The following FMNL1 variants were observed in gnomAD, a reference collection of about 807,000 sequenced individuals.
FMNL1 encodes the protein formin like 1, also known as formin-like protein 1.
Under a neutral mutation model 121.3 loss-of-function variants are expected in FMNL1, and 43 were observed. The observed-to-expected ratio is 0.35, with a 90% CI of 0.28 to 0.46. FMNL1 has a LOEUF of 0.46. FMNL1 is among the 20% of genes least tolerant of loss of function. The pLI, the probability that FMNL1 is intolerant of heterozygous loss-of-function variation, is 1.00. For missense variants in FMNL1, 1,191 were observed against 1,482.4 expected, an observed-to-expected ratio of 0.80 and a Z score of 3.23; for synonymous variants, 613 against 613.5, an observed-to-expected ratio of 1.00 and a Z score of 0.01.
chr17:45,222,511 A>G (rs1233895123), intron 1 of FMNL1, among the ~76,000 whole-genome samples: 1 of 152,066 alleles, frequency 6.6e-6, no homozygotes, highest in Non-Finnish European at 1.5e-5. Flanking sequence ...CTTAAGGTCT[A>G]AACAAGTATG....
At chr17:45,232,252 A>T in intron 2 of FMNL1, 115 bp from the exon 3 acceptor site, 1 of 871,176 alleles carries the variant, frequency 1.1e-6, no homozygotes. Context: ...GAGGCGTCTT[A>T]AGAAAGCCTG....
intron 1 of FMNL1, among the ~76,000 whole-genome samples, chr17:45,227,414 C>T (rs2043351475): frequency 6.6e-6 from 1 of 152,090 alleles, no homozygotes. Flanking sequence ...GGGGTCCCCT[C>T]TCACACTCAG....
chr17:45,232,757 A>T, intron 3 of FMNL1: 1 of 591,058 alleles, frequency 1.7e-6, no homozygotes, highest in Non-Finnish European at 3.1e-6. Context: ...GTCCATACAT[A>T]GGTGTGTGTG....
rs1310714541 is a variant in FMNL1, at chr17:45,222,195, C to T, written c.71C>T (p.Pro24Leu). The T allele has an allele frequency of 2.4e-6, 3 of 1,254,618 alleles. No individual in the cohort carries two copies. The highest frequency in any genetic ancestry group is 2.5e-5 in the South Asian group (1 of 39,240). 77.7% of individuals were successfully genotyped at this position (1,254,618 alleles called of 1,614,324 possible). A position where few individuals can be genotyped will look rare whatever the true frequency, so the allele number is the denominator to read the frequency against. The stretch of plus-strand genomic sequence containing the variant: ...GCGCCGCCCCCCAAGCAGCCCGCGC[C>T]TCCCAAGCAGCCGATGCCCGCGGCC... ...PAAPPPKQPA[P>L]PKQPMPAAGE... The change falls in exon 1 of 27, where the codon CCT (proline) becomes CTT (leucine). Residue 24 changes from proline to leucine, a missense_variant. Pro to Leu is a moderately conservative substitution (Grantham distance 98). Transcript: ENST00000331495.
rs767068415 is a variant in FMNL1 at position 45,233,334 on chromosome 17, G to A, written c.401+37G>A. 1 of 1,543,428 alleles carries A rather than the reference G, an allele frequency of 6.5e-7. No homozygotes were observed. The highest frequency in any genetic ancestry group is 8.8e-7 in the Non-Finnish European group (1 of 1,141,908). ...CTCAGATCTTCCTCTCTGGGCCTAG[G>A]AAGGCTCTGCTTCCAGGCAGCTCCT... On this transcript the variant is annotated intron_variant, in intron 4 of 26. Transcript: ENST00000331495. The surrounding 1 kb of genome is among the most constrained non-coding windows in gnomAD (Gnocchi z 4.1).
At chr17:45,240,326 T>G in intron 11 of FMNL1, 150 bp from the exon 12 acceptor site, 1 of 745,078 alleles carries the variant, frequency 1.3e-6, no homozygotes. Context: ...ATTTTATGAT[T>G]TGTGAATTAT....
At position 45,238,627 on chromosome 17, in the gene FMNL1, A is replaced by G. The variant is rs760030224; in HGVS notation, c.958A>G (p.Ile320Val). 11 of 1,614,184 alleles carry G rather than the reference A, an allele frequency of 6.8e-6. No individual in the cohort carries two copies. Among genetic ancestry groups the G allele is most frequent in the Non-Finnish European group, 9.3e-6 (11 of 1,180,022 alleles). ...ATATTTCCGGAATGAGGACAGCAAC[A>G]TCGACTTCATGGTGAGCTCAGGAGC... ...MEYFRNEDSN[I>V]DFMVACMQFI... The change falls in exon 10 of 27, where the codon ATC (isoleucine) becomes GTC (valine). Residue 320 changes from isoleucine (I) to valine (V), a missense_variant. By Grantham distance (29) the Ile-to-Val change is conservative. This residue lies in a region of FMNL1 where 253 missense variants were observed against 417.5 expected (regional missense o/e 0.61). Coordinates refer to ENST00000331495, the MANE Select transcript of FMNL1 (RefSeq NM_005892.4).
chr17:45,244,161 C>A lies in FMNL1; in HGVS notation c.2449-15C>A. On this transcript the variant is annotated splice_polypyrimidine_tract_variant and intron_variant, in intron 18 of 26. Transcript: ENST00000331495. Reference sequence around the variant, plus strand: ...GAGGCTCCAACTTATCTTACCTCCCCCATCCCACCCCCAGCAACTGAATGC... The same window carrying A: ...GAGGCTCCAACTTATCTTACCTCCCACATCCCACCCCCAGCAACTGAATGC... 1 of 1,612,516 alleles carries A rather than the reference C, an allele frequency of 6.2e-7. No individual in the cohort carries two copies. The highest frequency in any genetic ancestry group is 2.2e-5 in the East Asian group (1 of 44,842).
rs2143529191 is a variant in FMNL1, at chr17:45,240,757, G to A, written c.1230+132G>A. 3.8e-6 allele frequency: 5 copies of A among 1,313,770 alleles called. No individual in the cohort carries two copies. In the East Asian group the frequency reaches 1.0e-4, roughly 27 times the overall value. 81.4% of individuals were successfully genotyped at this position (1,313,770 alleles called of 1,614,324 possible). A position where few individuals can be genotyped will look rare whatever the true frequency, so the allele number is the denominator to read the frequency against. On this transcript the variant is annotated intron_variant, in intron 12 of 26. Transcript: ENST00000331495. ...GTGCATTGGAGGTGCTGCCTGCCTGGCCCCAGAGCCTGGCCTGAATCCAAA... is the reference window on the plus strand; with the variant it reads ...GTGCATTGGAGGTGCTGCCTGCCTGACCCCAGAGCCTGGCCTGAATCCAAA...
At chr17:45,235,844 C>T (rs189208400) in intron 6 of FMNL1, among the ~76,000 whole-genome samples, 12 of 152,300 alleles carry the variant, frequency 7.9e-5, no homozygotes, top group East Asian at 7.7e-4. Context: ...TGGCCATGAG[C>T]GCCACCTTGT....
rs1309146420 is a variant in FMNL1 at position 45,237,677 on chromosome 17, A to G, written c.894+38A>G. 1.8e-5 allele frequency: 28 copies of G among 1,597,584 alleles called. No homozygotes were observed. Among genetic ancestry groups the G allele is most frequent in the South Asian group, 2.2e-5 (2 of 90,678 alleles). On this transcript the variant is annotated intron_variant, in intron 9 of 26. Transcript: ENST00000331495. This position sits in a 1 kb window ranked among gnomAD's most constrained non-coding sequence, Gnocchi z 4.4. Reference sequence around the variant, plus strand: ...CTCACCCAAACATGCATTTCCCCCTATGGTGTTGCTTGGAGTCTTGTTGTT... The same window carrying G: ...CTCACCCAAACATGCATTTCCCCCTGTGGTGTTGCTTGGAGTCTTGTTGTT...
In FMNL1 at chr17:45,232,605, GTGTT is replaced by G. The variant is rs200347654; in HGVS notation, c.327+129_327+132del. On this transcript the variant is annotated intron_variant, in intron 3 of 26. Transcript: ENST00000331495. The stretch of plus-strand genomic sequence containing the variant: ...TGGGTGCATGTATGAGTGTGTGTGT[GTGTT>G]TGTGTGTCTGTGTATTTATAGGGGA... 24 of 837,838 alleles carry G rather than the reference GTGTT, an allele frequency of 2.9e-5. No individual in the cohort carries two copies. In the East Asian group the frequency reaches 3.2e-4, roughly 11 times the overall value. 51.9% of individuals were successfully genotyped at this position (837,838 alleles called of 1,614,324 possible).
At position 45,237,058 on chromosome 17, in the gene FMNL1, C is replaced by T. The variant is rs2043566186; in HGVS notation, c.724-223C>T. On this transcript the variant is annotated intron_variant, in intron 7 of 26. Coordinates refer to ENST00000331495, the MANE Select transcript of FMNL1 (RefSeq NM_005892.4). The surrounding 1 kb of genome is among the most constrained non-coding windows in gnomAD (Gnocchi z 4.4). Reference sequence around the variant, plus strand: ...ACTTGAACCCGGGAGGCAGAGACTGCGGTGAGCTGAGATGGCGCCACTGCG... The same window carrying T: ...ACTTGAACCCGGGAGGCAGAGACTGTGGTGAGCTGAGATGGCGCCACTGCG... Among the ~76,000 whole-genome samples the T allele has an allele frequency of 6.6e-6, 1 of 152,054 alleles. No individual in the cohort carries two copies. The highest frequency in any genetic ancestry group is 2.4e-5 in the African/African-American group (1 of 41,376).
In FMNL1 at chr17:45,238,645, T is replaced by G; in HGVS notation, c.969+7T>G. 1 of 1,614,092 alleles carries G rather than the reference T, an allele frequency of 6.2e-7. No homozygotes were observed. On this transcript the variant is annotated splice_region_variant and intron_variant, in intron 10 of 26. Transcript: ENST00000331495. ...CAGCAACATCGACTTCATGGTGAGCTCAGGAGCCCAGCAGCCTGAGGCCTG... is the reference window on the plus strand; with the variant it reads ...CAGCAACATCGACTTCATGGTGAGCGCAGGAGCCCAGCAGCCTGAGGCCTG...
chr17:45,236,288 G>GT, intron 7 of FMNL1, 44 bp downstream of exon 7: 1 of 1,522,840 alleles, frequency 6.6e-7, no homozygotes, highest in East Asian at 2.3e-5. Context: ...AGCCCAGCCT[G>GT]TCCTCACTGG....
In FMNL1 at chr17:45,230,656, A is replaced by G. The variant is rs202024994; in HGVS notation, c.182A>G (p.Asn61Ser). Residue 61 changes from asparagine to serine, a missense_variant, in exon 2 of 27, where the codon AAC becomes AGC. Transcript: ENST00000331495. ...DKVQLLSQYD[N>S]EKKWELICDQ... ...GTCCAGCTGCTGAGCCAGTATGACA[A>G]CGAGAAGAAGTGGGAGCTCATCTGT... The G allele has an allele frequency of 3.7e-4, 590 of 1,613,764 alleles. No homozygotes were observed. Among genetic ancestry groups the G allele is most frequent in the Non-Finnish European group, 4.6e-4 (542 of 1,179,854 alleles).
intron 17 of FMNL1, 46 bp from the exon 18 acceptor site, chr17:45,243,745 G>A: frequency 1.9e-6 from 3 of 1,562,836 alleles, no homozygotes; most frequent in Non-Finnish European, 2.6e-6. Flanking sequence ...CCCAGGGACT[G>A]GTGGGTATGG....
intron 11 of FMNL1, among the ~76,000 whole-genome samples, chr17:45,239,804 C>CTTTTTTTTTTTTTTTTT (rs113701881): frequency 1.4e-5 from 2 of 146,854 alleles, no homozygotes; most frequent in African/African-American, 2.6e-5. Flanking sequence ...TCTATGATTG[C>CTTTTTTTTTTTTTTTTT]TTTTTTTTTG....
rs774475483 is a variant in FMNL1 at position 45,236,227 on chromosome 17, G to A, written c.706G>A (p.Ala236Thr). 8.1e-6 allele frequency: 13 copies of A among 1,613,866 alleles called. No individual in the cohort carries two copies. Among genetic ancestry groups the A allele is most frequent in the East Asian group, 2.2e-5 (1 of 44,886 alleles). ...CCACGTCTGTATTATGTGCCTACGC[G>A]CCATCATGAACTACCAGGTCAGCCG... ...DVHVCIMCLRAIMNYQSGFSL... is the reference protein window; with the variant it reads ...DVHVCIMCLRTIMNYQSGFSL... The change falls in exon 7 of 27, where the codon GCC becomes ACC. Residue 236 changes from alanine (A) to threonine (T), a missense_variant. By Grantham distance (58) the Ala-to-Thr change is moderately conservative. Transcript: ENST00000331495.
Sources: gnomAD v4.1 joint callset for allele counts (sites outside exome capture counted in the v4.1 genomes callset) on GRCh38, gnomAD v4.1.1 for gene constraint, gnomAD v4.1.1 regional missense constraint, Gnocchi (gnomAD v3.1) non-coding constraint, MANE v1.5 for transcripts, NCBI Gene and HGNC (gene_info 2026-07-23, HGNC 2026-07-21) for gene names.